The following EXT1 variants were observed in gnomAD, a reference collection of about 807,000 sequenced individuals.
EXT1 encodes the protein exostosin glycosyltransferase 1.
A neutral mutation model predicts 82.5 loss-of-function variants in EXT1; 20 were observed. The observed-to-expected ratio is 0.24, with a 90% CI of 0.17 to 0.35. The LOEUF is 0.35. Among genes scored for constraint, EXT1 ranks in the 10% least tolerant of loss-of-function variants. EXT1 has a pLI of 1.00. For missense variants in EXT1, 757 were observed against 936.5 expected (o/e 0.81, Z 2.50); for synonymous variants, 348 against 350.8 (o/e 0.99, Z 0.09).
At chr8:118,106,307 T>C (rs968569937) in intron 1 of EXT1, among the ~76,000 whole-genome samples, 1 of 152,198 alleles carries the variant, frequency 6.6e-6, no homozygotes, top group Non-Finnish European at 1.5e-5. Flanking sequence ...TGCCTGAGAA[T>C]AGAAATGAAA....
intron 1 of EXT1, among the ~76,000 whole-genome samples, chr8:117,988,202 T>A (rs1262369067): frequency 6.6e-6 from 1 of 152,268 alleles, no homozygotes; most frequent in East Asian, 1.9e-4. Flanking sequence ...TCTTTCACAC[T>A]GTTATTTTTG....
chr8:118,110,863 G>C lies in EXT1; in HGVS notation c.184C>G (p.Leu62Val). The change falls in exon 1 of 11, where the codon CTG (leucine) becomes GTG (valine). Residue 62 changes from leucine to valine, a missense_variant. Physicochemically the swap from Leu to Val is conservative, Grantham distance 32. This residue lies in a region of EXT1 where 175 missense variants were observed against 159.0 expected (regional missense o/e 1.10). Transcript: ENST00000378204. ...TGATCCCAAGGAACGAAGGGGCGCA[G>C]AGCGTCCGGGAAGCGGGGCCAGAAA... ...DHFWPRFPDA[L>V]RPFVPWDQLE... 1.2e-6 allele frequency: 2 copies of C among 1,613,182 alleles called. No homozygotes were observed. Among genetic ancestry groups the C allele is most frequent in the East Asian group, 4.5e-5 (2 of 44,858 alleles).
At chr8:118,058,321 T>C (rs1049151110) in intron 1 of EXT1, among the ~76,000 whole-genome samples, 1 of 152,174 alleles carries the variant, frequency 6.6e-6, no homozygotes, top group Non-Finnish European at 1.5e-5. Context: ...AATACCTCAA[T>C]AAAAAGTTGA....
At chr8:117,900,352 C>T (rs7836747) in intron 1 of EXT1, among the ~76,000 whole-genome samples, 38,368 of 152,162 alleles carry the variant, frequency 0.25, 5,656 homozygotes, top group East Asian at 0.37. Context: ...GGAAGCTCCT[C>T]ACATTGTTTT....
At chr8:117,809,146 T>C (rs1032167693) in intron 8 of EXT1, among the ~76,000 whole-genome samples, 3 of 150,612 alleles carry the variant, frequency 2.0e-5, no homozygotes, top group African/African-American at 7.3e-5. Context: ...AATAAATCTC[T>C]CTCTCAGTGT....
chr8:118,067,082 C>A (rs771000678), intron 1 of EXT1, among the ~76,000 whole-genome samples: 3 of 152,206 alleles, frequency 2.0e-5, no homozygotes, highest in Non-Finnish European at 2.9e-5. Flanking sequence ...GTTGAACAAT[C>A]CCCTCTCTCA....
At chr8:117,919,052 C>G (rs567526502) in intron 1 of EXT1, among the ~76,000 whole-genome samples, 14 of 152,102 alleles carry the variant, frequency 9.2e-5, no homozygotes, top group Non-Finnish European at 1.8e-4. Flanking sequence ...GCTTACCTCT[C>G]CTGTGGAGAC....
At chr8:117,858,810 C>CAAGGCA (rs1182184208) in intron 1 of EXT1, among the ~76,000 whole-genome samples, 1 of 34,372 alleles carries the variant, frequency 2.9e-5, no homozygotes, top group Non-Finnish European at 5.3e-5. Context: ...CAAGGCAAGG[C>CAAGGCA]AGGAAGGAAG....
intron 1 of EXT1, among the ~76,000 whole-genome samples, chr8:118,101,350 C>A (rs971857595): frequency 2.0e-5 from 3 of 152,134 alleles, no homozygotes; most frequent in Non-Finnish European, 4.4e-5. Context: ...GGCTGTGTAT[C>A]CTCACAAATT....
intron 1 of EXT1, among the ~76,000 whole-genome samples, chr8:117,842,989 C>G (rs1812296874): frequency 6.6e-6 from 1 of 152,180 alleles, no homozygotes; most frequent in South Asian, 2.1e-4. Flanking sequence ...CAGTTTGTCT[C>G]AAGTATTTAT....
intron 3 of EXT1, among the ~76,000 whole-genome samples, chr8:117,832,930 A>T (rs1256016338): frequency 6.6e-6 from 1 of 152,230 alleles, no homozygotes; most frequent in East Asian, 1.9e-4. Flanking sequence ...TCTTAATAAA[A>T]GGTCATGTAT....
intron 1 of EXT1, among the ~76,000 whole-genome samples, chr8:118,083,922 C>T (rs573982231): frequency 2.0e-5 from 3 of 152,030 alleles, no homozygotes; most frequent in Admixed American, 6.5e-5. Context: ...CCAGCTACTC[C>T]GAAGGCTGAG....
chr8:118,022,470 TG>T (rs1281614337), intron 1 of EXT1, among the ~76,000 whole-genome samples: 2 of 148,430 alleles, frequency 1.3e-5, no homozygotes, highest in African/African-American at 5.1e-5. Context: ...CCTGAGTAGC[TG>T]GGATTATAGG....
intron 1 of EXT1, among the ~76,000 whole-genome samples, chr8:117,984,304 A>G (rs1472424319): frequency 6.6e-6 from 1 of 152,112 alleles, no homozygotes; most frequent in Non-Finnish European, 1.5e-5. Flanking sequence ...CTATAATCCC[A>G]GCTACTTGGG....
intron 1 of EXT1, among the ~76,000 whole-genome samples, chr8:117,910,019 C>G (rs982507187): frequency 6.6e-6 from 1 of 152,142 alleles, no homozygotes; most frequent in South Asian, 2.1e-4. Flanking sequence ...CCACCCGTGC[C>G]GGCCTCCCAA....
At chr8:117,984,213 G>A (rs750372453) in intron 1 of EXT1, among the ~76,000 whole-genome samples, 1 of 152,170 alleles carries the variant, frequency 6.6e-6, no homozygotes, top group African/African-American at 2.4e-5. Context: ...GAGGTCAGAA[G>A]CTCCAGACCA....
intron 4 of EXT1, 87 bp downstream of exon 4, chr8:117,830,143 C>A (rs1812074110): frequency 6.3e-7 from 1 of 1,575,770 alleles, no homozygotes; most frequent in Middle Eastern, 1.7e-4. Context: ...CTGGACCAAT[C>A]ACACATCCCT....
intron 1 of EXT1, among the ~76,000 whole-genome samples, chr8:117,938,447 G>A (rs1814211260): frequency 6.6e-6 from 1 of 152,040 alleles, no homozygotes; most frequent in South Asian, 2.1e-4. Context: ...AAGTGACAAA[G>A]CGAGACTCCA....
chr8:118,042,362 C>T (rs1243407023), intron 1 of EXT1, among the ~76,000 whole-genome samples: 1 of 152,170 alleles, frequency 6.6e-6, no homozygotes, highest in Non-Finnish European at 1.5e-5. Flanking sequence ...GGTGCCATCT[C>T]AGCTCACTGT....
Sources: gnomAD v4.1 joint callset for allele counts (sites outside exome capture counted in the v4.1 genomes callset) on GRCh38, gnomAD v4.1.1 for gene constraint, gnomAD v4.1.1 regional missense constraint, MANE v1.5 for transcripts, NCBI Gene and HGNC (gene_info 2026-07-23, HGNC 2026-07-21) for gene names.